The following SOAT1 variants were observed in gnomAD, a reference collection of about 807,000 sequenced individuals.
SOAT1 encodes the protein acyl-coenzyme A:cholesterol acyltransferase 1.
Under a neutral mutation model 69.5 loss-of-function variants are expected in SOAT1, and 55 were observed. The observed-to-expected ratio is 0.79, with a 90% CI of 0.64 to 0.99. The LOEUF (loss-of-function observed/expected upper bound fraction) is 0.99, where lower values mean the gene tolerates loss of function less well. Ranked by LOEUF, SOAT1 falls within the 50% of genes least tolerant of loss-of-function variation. The pLI is 0.00. For synonymous variants in SOAT1, 231 were observed against 224.7 expected (o/e 1.03, Z -0.25); for missense variants, 580 against 669.3 (o/e 0.87, Z 1.47).
intron 14 of SOAT1, among the ~76,000 whole-genome samples, chr1:179,350,735 G>C (rs185100117): frequency 5.5e-4 from 83 of 152,246 alleles, no homozygotes; most frequent in African/African-American, 1.9e-3. Context: ...AACATTGTCG[G>C]TATGCACCCC....
intron 2 of SOAT1, among the ~76,000 whole-genome samples, chr1:179,308,891 T>C (rs1665122874): frequency 6.6e-6 from 1 of 152,170 alleles, no homozygotes; most frequent in Admixed American, 6.5e-5. Flanking sequence ...GTCTCAGATA[T>C]CTTTTCATTT....
At chr1:179,313,252 A>G (rs1280134428) in intron 2 of SOAT1, among the ~76,000 whole-genome samples, 7 of 152,162 alleles carry the variant, frequency 4.6e-5, no homozygotes, top group Non-Finnish European at 7.4e-5. Flanking sequence ...GTTGCAGACT[A>G]TACTGCCCAT....
intron 3 of SOAT1, among the ~76,000 whole-genome samples, chr1:179,334,644 G>T (rs74971542): frequency 1.3e-5 from 2 of 152,052 alleles, no homozygotes; most frequent in Non-Finnish European, 2.9e-5. Context: ...TATTAAAATA[G>T]TTACCTTATA....
At chr1:179,327,126 A>G (rs866221280) in intron 3 of SOAT1, among the ~76,000 whole-genome samples, 13 of 152,322 alleles carry the variant, frequency 8.5e-5, no homozygotes, top group African/African-American at 3.1e-4. Context: ...CTAATTGGTC[A>G]CATTTTTTTA....
At chr1:179,317,197 T>C (rs771863491) in intron 2 of SOAT1, among the ~76,000 whole-genome samples, 1 of 152,192 alleles carries the variant, frequency 6.6e-6, no homozygotes, top group African/African-American at 2.4e-5. Flanking sequence ...AATCTTCCTT[T>C]TTAGGCAAAA....
intron 3 of SOAT1, among the ~76,000 whole-genome samples, chr1:179,330,229 A>G (rs1386790625): frequency 6.6e-6 from 1 of 152,158 alleles, no homozygotes; most frequent in Non-Finnish European, 1.5e-5. Context: ...GGTTGAAATC[A>G]TAAGGGTGTG....
intron 3 of SOAT1, among the ~76,000 whole-genome samples, chr1:179,330,113 A>G (rs1665924308): frequency 6.6e-6 from 1 of 152,194 alleles, no homozygotes; most frequent in Middle Eastern, 3.2e-3. Flanking sequence ...AAGTGGAAGG[A>G]CAGGAGTTTA....
intron 3 of SOAT1, among the ~76,000 whole-genome samples, chr1:179,326,200 C>CTTT (rs1254223898): frequency 2.6e-5 from 4 of 152,148 alleles, no homozygotes; most frequent in African/African-American, 7.2e-5. Flanking sequence ...TTTTTCTCGA[C>CTTT]TTTTATGCCC....
chr1:179,342,944 G>A lies in SOAT1; in HGVS notation c.941+1G>A. ...TTATCTACCGTGACAGCTATCCCAG[G>A]TAATGGTACTGTGAACCAGAAATGT... On this transcript the variant is annotated splice_donor_variant, in intron 9 of 15. Coordinates refer to ENST00000367619, the MANE Select transcript of SOAT1 (RefSeq NM_003101.6). LOFTEE classifies it high-confidence loss of function. 1.2e-6 allele frequency: 2 copies of A among 1,611,308 alleles called. No individual in the cohort carries two copies. Among genetic ancestry groups the A allele is most frequent in the East Asian group, 2.2e-5 (1 of 44,852 alleles).
In SOAT1 at chr1:179,339,469, A is replaced by G. The variant is rs931843513; in HGVS notation, c.421A>G (p.Ile141Val). 1.2e-6 allele frequency: 2 copies of G among 1,612,898 alleles called. No homozygotes were observed. The highest frequency in any genetic ancestry group is 2.2e-5 in the South Asian group (2 of 90,928). Residue 141 changes from isoleucine to valine, a missense_variant, in exon 6 of 16, where the codon ATA becomes GTA. Coordinates refer to ENST00000367619, the MANE Select transcript of SOAT1 (RefSeq NM_003101.6). ...GCTTGAAGTGGACCACATCAGAACA[A>G]TATATCACATGTTTATTGCCCTCCT... ...ELLEVDHIRT[I>V]YHMFIALLIL...
At chr1:179,338,075 A>G (rs1230227618) in intron 5 of SOAT1, among the ~76,000 whole-genome samples, 179 bp downstream of exon 5, 1 of 151,996 alleles carries the variant, frequency 6.6e-6, no homozygotes, top group East Asian at 1.9e-4. Context: ...TCTAGTTTCA[A>G]AAGAGGAGTT....
intron 2 of SOAT1, among the ~76,000 whole-genome samples, chr1:179,310,115 G>A (rs1397149668): frequency 6.6e-6 from 1 of 151,940 alleles, no homozygotes; most frequent in African/African-American, 2.4e-5. Context: ...AGCCAGGCTG[G>A]TCTCGAACTG....
intron 1 of SOAT1, among the ~76,000 whole-genome samples, chr1:179,301,476 A>G (rs749584875): frequency 3.3e-5 from 5 of 152,070 alleles, no homozygotes; most frequent in East Asian, 1.9e-4. Flanking sequence ...GCCAGTTCCA[A>G]TCGGGCTCTG....
chr1:179,349,473 A>G (rs998115845), intron 13 of SOAT1, among the ~76,000 whole-genome samples: 2 of 151,828 alleles, frequency 1.3e-5, no homozygotes, highest in African/African-American at 4.8e-5. Context: ...GATTACAGGC[A>G]TGCACCACCA....
rs553999401 is a variant in SOAT1, at chr1:179,320,966, C to T, written c.119-2471C>T. Among the ~76,000 whole-genome samples the T allele has an allele frequency of 4.0e-5, 6 of 151,346 alleles. No homozygotes were observed. In the South Asian group the frequency reaches 6.3e-4, roughly 16 times the overall value. ...TGTCTCCCAGGCTGGAATGCAGTGG[C>T]GCGATCTTGTCTTACTGCAACCTCT... On this transcript the variant is annotated intron_variant, in intron 2 of 15. Coordinates refer to ENST00000367619, the MANE Select transcript of SOAT1 (RefSeq NM_003101.6).
intron 2 of SOAT1, among the ~76,000 whole-genome samples, chr1:179,305,940 C>T (rs776285327): frequency 1.3e-5 from 2 of 152,080 alleles, no homozygotes; most frequent in East Asian, 1.9e-4. Context: ...AAATAGAGAC[C>T]GATGGGGTTG....
At chr1:179,334,762 T>A (rs1666087728) in intron 3 of SOAT1, among the ~76,000 whole-genome samples, 3 of 152,090 alleles carry the variant, frequency 2.0e-5, no homozygotes, top group Admixed American at 2.0e-4. Context: ...GTGCCTGTAA[T>A]CCCAGCACTT....
intron 7 of SOAT1, 144 bp from the exon 8 acceptor site, chr1:179,341,970 T>C (rs1409822108): frequency 5.1e-6 from 5 of 978,190 alleles, no homozygotes; most frequent in East Asian, 6.1e-5. Flanking sequence ...TGTAACTATA[T>C]AATAAAGGTT....
At chr1:179,351,720 A>ATTTTTTTTT (rs1558061106) in intron 15 of SOAT1, among the ~76,000 whole-genome samples, 7 of 43,484 alleles carry the variant, frequency 1.6e-4, no homozygotes, top group African/African-American at 6.6e-4. Context: ...AGCCCCTTCT[A>ATTTTTTTTT]ATTTTTTTTT....
Sources: allele counts gnomAD v4.1 joint callset (sites outside exome capture counted in the v4.1 genomes callset), GRCh38; gene constraint gnomAD v4.1.1; transcripts MANE v1.5; gene names NCBI Gene and HGNC (gene_info 2026-07-23, HGNC 2026-07-21).